The following MAMLD1 variants were observed in gnomAD, a reference collection of about 807,000 sequenced individuals.
MAMLD1 encodes mastermind-like domain-containing protein 1.
In MAMLD1, 14 loss-of-function variants were observed where a neutral mutation model predicts 45.0. The ratio of observed to expected loss-of-function variants is 0.31; its 90% CI spans 0.21 to 0.49. The LOEUF is 0.49. Ranked by LOEUF, MAMLD1 falls within the 20% of genes least tolerant of loss-of-function variation. MAMLD1 has a pLI of 0.99. For synonymous variants in MAMLD1, 254 were observed against 247.8 expected, an observed-to-expected ratio of 1.02 and a Z score of -0.24; for missense variants, 543 against 603.6, an observed-to-expected ratio of 0.90 and a Z score of 1.05.
At chrX:150,428,750 T>A (rs189549642) in intron 1 of MAMLD1, among the ~76,000 whole-genome samples, 6 of 111,719 alleles carry the variant, frequency 5.4e-5, no homozygotes, top group African/African-American at 1.3e-4. Context: ...CAGGCAGTGA[T>A]CCCTCTCCAG....
At chrX:150,507,659 T>C (rs1557408900) in intron 6 of MAMLD1, among the ~76,000 whole-genome samples, 1 of 112,261 alleles carries the variant, frequency 8.9e-6, no homozygotes, top group Admixed American at 9.3e-5. Flanking sequence ...AGTGATAGGC[T>C]GGCCAGCTTT....
chrX:150,385,016 A>G (rs1320009446), intron 1 of MAMLD1, among the ~76,000 whole-genome samples: 1 of 111,075 alleles, frequency 9.0e-6, no homozygotes. Flanking sequence ...CATGCTGTAC[A>G]TTAGATTCCC....
chrX:150,473,917 T>G, intron 5 of MAMLD1, 115 bp downstream of exon 5: 1 of 824,835 alleles, frequency 1.2e-6, no homozygotes, highest in Non-Finnish European at 1.8e-6. Context: ...ATTGGGGTCA[T>G]GCAAATCATA....
At chrX:150,501,895 G>A (rs2266840) in intron 5 of MAMLD1, among the ~76,000 whole-genome samples, 10,704 of 111,832 alleles carry the variant, frequency 0.096, 426 homozygotes, top group Middle Eastern at 0.2. Context: ...GCTTGGGAAC[G>A]AGGCAAGCCT....
At chrX:150,398,320 G>A (rs1028512927) in intron 1 of MAMLD1, among the ~76,000 whole-genome samples, 1 of 94,892 alleles carries the variant, frequency 1.1e-5, no homozygotes, top group East Asian at 3.0e-4. Context: ...AGAAGAAGAA[G>A]AAGAAGAAGA....
intron 1 of MAMLD1, 68 bp downstream of exon 1, chrX:150,363,598 A>T (rs1229351292): frequency 9.0e-6 from 1 of 111,491 alleles, no homozygotes; most frequent in Non-Finnish European, 1.9e-5. Context: ...TGTAGCCCCC[A>T]GTTATGGTCC....
At chrX:150,500,430 G>A (rs2037518573) in intron 5 of MAMLD1, among the ~76,000 whole-genome samples, 1 of 110,791 alleles carries the variant, frequency 9.0e-6, no homozygotes, top group African/African-American at 3.3e-5. Flanking sequence ...GTCTTGGTGC[G>A]AGCCATTGGA....
At position 150,512,344 on chromosome X, in the gene MAMLD1, C is replaced by T. The variant is rs1557409180; in HGVS notation, c.*385C>T. On this transcript the variant is annotated 3_prime_UTR_variant, in exon 8 of 8. Coordinates refer to ENST00000370401, the MANE Select transcript of MAMLD1 (RefSeq NM_005491.5). ...GGTTCTGTCCCAGCTCCCTGGGCACCCAGTCCTTGAGTCCCCACCAGCTCA... is the reference window on the plus strand; with the variant it reads ...GGTTCTGTCCCAGCTCCCTGGGCACTCAGTCCTTGAGTCCCCACCAGCTCA... 1.8e-6 allele frequency: 2 copies of T among 1,133,571 alleles called. No individual in the cohort carries two copies. Among genetic ancestry groups the T allele is most frequent in the Non-Finnish European group, 2.3e-6 (2 of 859,114 alleles). 93.4% of individuals were successfully genotyped at this position (1,133,571 alleles called of 1,213,427 possible).
In MAMLD1 at chrX:150,470,878, C is replaced by T; in HGVS notation, c.1305C>T (p.Thr435=). 15 of 1,211,679 alleles carry T rather than the reference C, an allele frequency of 1.2e-5. No individual in the cohort carries two copies. The highest frequency in any genetic ancestry group is 1.7e-5 in the Non-Finnish European group (15 of 895,498). ...SSILANLMSS[T]IKTPQGHLMS... ...TTCTTGCCAACCTCATGTCCTCTAC[C>T]ATCAAAACCCCTCAAGGACACCTGA... Residue 435 remains threonine (T), a synonymous_variant, in exon 4 of 8, where the codon ACC becomes ACT. Coordinates refer to ENST00000370401, the MANE Select transcript of MAMLD1 (RefSeq NM_005491.5).
chrX:150,412,142 T>C (rs2034138599), intron 1 of MAMLD1, among the ~76,000 whole-genome samples: 2 of 109,645 alleles, frequency 1.8e-5, no homozygotes, highest in Admixed American at 1.9e-4. Flanking sequence ...TGGGATTCTA[T>C]TTTGTACTTT....
At chrX:150,398,290 G>GAAGAAGAAGAAGAAC (rs2033544596) in intron 1 of MAMLD1, among the ~76,000 whole-genome samples, 2 of 84,319 alleles carry the variant, frequency 2.4e-5, no homozygotes, top group African/African-American at 9.3e-5. Context: ...AGAAGAAGAA[G>GAAGAAGAAGAAGAAC]AAGAAGAAGA....
At chrX:150,362,378 A>G (rs1557400511), upstream of MAMLD1, among the ~76,000 whole-genome samples, 1 of 110,416 alleles carries the variant, frequency 9.1e-6, no homozygotes, top group Non-Finnish European at 1.9e-5. Context: ...GGGATCTGTC[A>G]TTCCTCTTGC....
At chrX:150,426,546 T>C (rs1335137620) in intron 1 of MAMLD1, among the ~76,000 whole-genome samples, 5 of 112,364 alleles carry the variant, frequency 4.4e-5, no homozygotes, top group Non-Finnish European at 9.4e-5. Flanking sequence ...TATAAGCATT[T>C]GCCATGAGCA....
chrX:150,495,656 G>A (rs781930560), intron 5 of MAMLD1, among the ~76,000 whole-genome samples: 37 of 112,422 alleles, frequency 3.3e-4, no homozygotes, highest in Non-Finnish European at 5.6e-4. Flanking sequence ...CAGGGTGGGG[G>A]ACAGGCAGAT....
chrX:150,467,750 T>C (rs2036268938), intron 3 of MAMLD1, among the ~76,000 whole-genome samples: 1 of 112,280 alleles, frequency 8.9e-6, no homozygotes, highest in Non-Finnish European at 1.9e-5. Context: ...GCATCTGACC[T>C]GGGCCTTGTT....
At chrX:150,372,281 G>C (rs782120025) in intron 1 of MAMLD1, among the ~76,000 whole-genome samples, 1 of 112,065 alleles carries the variant, frequency 8.9e-6, no homozygotes, top group Non-Finnish European at 1.9e-5. Context: ...TCTCGTTTTC[G>C]AGTTGCTGTC....
Position 150,509,088 on chromosome X carries a change from G to A in MAMLD1, c.2285-874G>A, listed in dbSNP as rs935704960. On this transcript the variant is annotated intron_variant, in intron 6 of 7. Coordinates refer to ENST00000370401, the MANE Select transcript of MAMLD1 (RefSeq NM_005491.5). Reference sequence around the variant, plus strand: ...ATCCCAGACTGAGTGCTGAAACTGCGGCCTTGAAACTTGGCTCGCTCCTCC... The same window carrying A: ...ATCCCAGACTGAGTGCTGAAACTGCAGCCTTGAAACTTGGCTCGCTCCTCC... Among the ~76,000 whole-genome samples the A allele has an allele frequency of 7.2e-5, 8 of 111,548 alleles. No individual in the cohort carries two copies. The Admixed American group carries it at 7.6e-4, about 11-fold the overall frequency.
intron 1 of MAMLD1, among the ~76,000 whole-genome samples, chrX:150,424,248 T>C (rs782219489): frequency 3.7e-4 from 42 of 112,891 alleles, no homozygotes; most frequent in African/African-American, 1.3e-3. Context: ...GAGCCCACTC[T>C]GTGGGATTAT....
At chrX:150,487,455 TCTA>T (rs2037028593) in intron 5 of MAMLD1, among the ~76,000 whole-genome samples, 1 of 112,217 alleles carries the variant, frequency 8.9e-6, no homozygotes, top group African/African-American at 3.2e-5. Context: ...CCCAACCCCA[TCTA>T]CTACAGCACA....
Sources: allele counts gnomAD v4.1 joint callset (sites outside exome capture counted in the v4.1 genomes callset), GRCh38; gene constraint gnomAD v4.1.1; transcripts MANE v1.5; gene names NCBI Gene and HGNC (gene_info 2026-07-23, HGNC 2026-07-21).